COL5A2: variants seen among roughly 807,000 people sequenced by gnomAD.
COL5A2 encodes the protein collagen type V alpha 2 chain.
Under a neutral mutation model 208.2 loss-of-function variants are expected in COL5A2, and 23 were observed. The observed-to-expected ratio is 0.11, with a 90% CI of 0.08 to 0.16. The LOEUF is 0.16. COL5A2 is among the 10% of genes least tolerant of loss of function. COL5A2 has a pLI of 1.00. For missense variants in COL5A2, 1,590 were observed against 1,956.4 expected, an observed-to-expected ratio of 0.81 and a Z score of 3.53; for synonymous variants, 625 against 628.5, an observed-to-expected ratio of 0.99 and a Z score of 0.08.
chr2:189,108,688 T>G (rs967398286), intron 2 of COL5A2, among the ~76,000 whole-genome samples: 4 of 151,980 alleles, frequency 2.6e-5, no homozygotes, highest in African/African-American at 9.7e-5. Flanking sequence ...TGTTATTTGT[T>G]CTACTCAATT....
intron 52 of COL5A2, among the ~76,000 whole-genome samples, chr2:189,035,384 C>A (rs1176300015): frequency 1.3e-5 from 2 of 151,894 alleles, no homozygotes; most frequent in African/African-American, 4.8e-5. Context: ...GGTAATGAAA[C>A]CAATAATAAC....
At chr2:189,327,145 A>C in the COL5A2 span, among the ~76,000 whole-genome samples, 1 of 151,930 alleles carries the variant, frequency 6.6e-6, no homozygotes, top group Non-Finnish European at 1.5e-5. Flanking sequence ...AAGCATAAGT[A>C]ACACAATTTG....
intron 42 of COL5A2, 126 bp downstream of exon 42, chr2:189,051,194 C>T (rs1003380864): frequency 1.4e-4 from 153 of 1,131,666 alleles, no homozygotes; most frequent in East Asian, 4.4e-4. Flanking sequence ...AGATTTAATG[C>T]ACTTTAAAAA....
At chr2:189,211,908 G>A (rs1467849759) in intron 1 of COL5A2, among the ~76,000 whole-genome samples, 1 of 152,134 alleles carries the variant, frequency 6.6e-6, no homozygotes, top group Non-Finnish European at 1.5e-5. Context: ...ATAGCCTCGA[G>A]CCTCTGTGAT....
the COL5A2 span, among the ~76,000 whole-genome samples, chr2:189,371,984 C>T: frequency 7.9e-5 from 12 of 152,306 alleles, no homozygotes; most frequent in African/African-American, 2.9e-4. Context: ...ACAGCCCTTA[C>T]CATCACAGGT....
Position 189,034,970 on chromosome 2 carries a change from G to A in COL5A2, c.4299C>T (p.Ile1433=). The change falls in exon 53 of 54, where the codon ATC becomes ATT. Residue 1433 remains isoleucine (I), a synonymous_variant. Transcript: ENST00000374866. The part of the protein sequence containing the change: ...VVLKGANDLD[I]KAEGNIRFRY... ...GGAATCTAATATTTCCCTCTGCTTT[G>A]ATATCTAAGTCATTTGCCCCTTTGA... 1 of 1,613,854 alleles carries A rather than the reference G, an allele frequency of 6.2e-7. No individual in the cohort carries two copies. The highest frequency in any genetic ancestry group is 2.2e-5 in the East Asian group (1 of 44,830).
intron 21 of COL5A2, 125 bp from the exon 22 acceptor site, chr2:189,066,907 T>C (rs1426234393): frequency 4.1e-6 from 3 of 730,254 alleles, no homozygotes; most frequent in Admixed American, 2.2e-5. Context: ...ATCAGTAGTA[T>C]AATATAATCA....
chr2:189,383,912 C>G, the COL5A2 span, among the ~76,000 whole-genome samples: 1 of 152,080 alleles, frequency 6.6e-6, no homozygotes, highest in Non-Finnish European at 1.5e-5. Flanking sequence ...AACCCTCCCC[C>G]CATTCACCTT....
chr2:189,304,783 G>A, the COL5A2 span, among the ~76,000 whole-genome samples: 1 of 152,182 alleles, frequency 6.6e-6, no homozygotes, highest in Non-Finnish European at 1.5e-5. Flanking sequence ...AATAGGAGGT[G>A]CCTCCAAGCT....
the COL5A2 span, among the ~76,000 whole-genome samples, chr2:189,271,496 C>A: frequency 2.0e-5 from 3 of 152,118 alleles, no homozygotes; most frequent in Non-Finnish European, 4.4e-5. Flanking sequence ...ACACCATATA[C>A]AAAAATTAAC....
At chr2:189,343,765 A>G in the COL5A2 span, among the ~76,000 whole-genome samples, 1 of 152,168 alleles carries the variant, frequency 6.6e-6, no homozygotes, top group Non-Finnish European at 1.5e-5. Flanking sequence ...AACTGTCTTT[A>G]TTAAACTAAC....
At chr2:189,290,932 T>C in the COL5A2 span, among the ~76,000 whole-genome samples, 5 of 152,076 alleles carry the variant, frequency 3.3e-5, no homozygotes, top group African/African-American at 9.7e-5. Flanking sequence ...TGAAAGAATG[T>C]CTTCATTGTA....
chr2:189,342,510 C>CAT, the COL5A2 span, among the ~76,000 whole-genome samples: 1 of 147,172 alleles, frequency 6.8e-6, no homozygotes, highest in Non-Finnish European at 1.5e-5. Flanking sequence ...TGTATATATA[C>CAT]ATATATATAA....
chr2:189,097,689 A>G, intron 5 of COL5A2: 1 of 484,944 alleles, frequency 2.1e-6, no homozygotes, highest in Non-Finnish European at 4.1e-6. Flanking sequence ...AAAACTTACA[A>G]TTCTGATTTT....
At chr2:189,136,347 T>TTA (rs888815806) in intron 1 of COL5A2, among the ~76,000 whole-genome samples, 5 of 150,840 alleles carry the variant, frequency 3.3e-5, no homozygotes, top group South Asian at 4.2e-4. Flanking sequence ...AAATACATAT[T>TTA]TATATATATG....
At chr2:189,179,365 C>G (rs1688740515) in intron 1 of COL5A2, 143 bp downstream of exon 1, 1 of 871,286 alleles carries the variant, frequency 1.1e-6, no homozygotes, top group Admixed American at 2.0e-5. Context: ...TCTTTCAAGT[C>G]GTTTTCCAGG....
intron 1 of COL5A2, among the ~76,000 whole-genome samples, chr2:189,169,423 TTTC>T (rs1688530109): frequency 6.6e-6 from 1 of 152,188 alleles, no homozygotes; most frequent in South Asian, 2.1e-4. Flanking sequence ...TTTTTCTTTC[TTTC>T]TTTTTTTGTA....
At chr2:189,130,655 A>G (rs1222293883) in intron 1 of COL5A2, among the ~76,000 whole-genome samples, 1 of 151,864 alleles carries the variant, frequency 6.6e-6, no homozygotes, top group East Asian at 1.9e-4. Flanking sequence ...TTGGCTCTGA[A>G]AAGATTTCAA....
rs551210226 is a variant in COL5A2 at position 189,096,215 on chromosome 2, T to C, written c.456+1062A>G. 4 of 152,228 alleles carry C rather than the reference T, an allele frequency of 2.6e-5. No homozygotes were observed. In the South Asian group the frequency reaches 8.3e-4, roughly 32 times the overall value. 9.4% of individuals were successfully genotyped at this position (152,228 alleles called of 1,614,324 possible). ...CCTCCCATTTAAATATGGATAAATA[T>C]ATATTTAAAAGGATAAAAATCTACT... On this transcript the variant is annotated intron_variant, in intron 6 of 53. Coordinates refer to ENST00000374866, the MANE Select transcript of COL5A2 (RefSeq NM_000393.5).
Sources: gnomAD v4.1 joint callset for allele counts (sites outside exome capture counted in the v4.1 genomes callset) on GRCh38, gnomAD v4.1.1 for gene constraint, MANE v1.5 for transcripts, NCBI Gene and HGNC (gene_info 2026-07-23, HGNC 2026-07-21) for gene names.